Variants in MACROD2 observed in about 807,000 individuals in gnomAD.
The protein encoded by MACROD2 is mono-ADP ribosylhydrolase 2.
In MACROD2, 36 loss-of-function variants were observed where a neutral mutation model predicts 70.4. The ratio of observed to expected loss-of-function variants is 0.51; its 90% CI spans 0.39 to 0.68. MACROD2 has a LOEUF of 0.68. Among genes scored for constraint, MACROD2 ranks in the 30% least tolerant of loss-of-function variants. The pLI is 0.00. For missense variants in MACROD2, 496 were observed against 538.4 expected, an observed-to-expected ratio of 0.92 and a Z score of 0.78; for synonymous variants, 172 against 178.8, an observed-to-expected ratio of 0.96 and a Z score of 0.30.
At chr20:15,709,868 C>T (rs771986441) in intron 8 of MACROD2, among the ~76,000 whole-genome samples, 15 of 151,952 alleles carry the variant, frequency 9.9e-5, no homozygotes, top group Non-Finnish European at 2.1e-4. Context: ...TACTATAGAA[C>T]ACTAGAACTT....
At chr20:15,201,280 G>A (rs1466485641) in intron 5 of MACROD2, among the ~76,000 whole-genome samples, 2 of 151,954 alleles carry the variant, frequency 1.3e-5, no homozygotes, top group Non-Finnish European at 2.9e-5. Flanking sequence ...AATGATGAGT[G>A]CCCCCCTCCC....
chr20:15,487,812 G>A lies in MACROD2; in HGVS notation c.572-11962G>A, dbSNP rs8119807. ...GTTTACAAACTCAGGCCTTCAGGGG[G>A]CTTGACTATCACTGAAGAGCAAAAG... On this transcript the variant is annotated intron_variant, in intron 7 of 17. Transcript: ENST00000684519. Among the ~76,000 whole-genome samples the A allele has an allele frequency of 5.7e-3, 865 of 152,284 alleles. 7 individuals carry two copies. The highest frequency in any genetic ancestry group is 0.02 in the African/African-American group (827 of 41,578).
intron 5 of MACROD2, among the ~76,000 whole-genome samples, chr20:14,826,523 C>A (rs914056529): frequency 6.6e-6 from 1 of 152,130 alleles, no homozygotes. Flanking sequence ...CCAAATTACT[C>A]CAGACCCTAA....
chr20:14,160,358 T>C (rs571303571), intron 3 of MACROD2, among the ~76,000 whole-genome samples: 18 of 152,304 alleles, frequency 1.2e-4, no homozygotes, highest in South Asian at 6.2e-4. Context: ...TCCCGGACTT[T>C]TCTTTGTTGG....
chr20:14,745,809 G>C (rs977261164), intron 5 of MACROD2, among the ~76,000 whole-genome samples: 1 of 152,116 alleles, frequency 6.6e-6, no homozygotes, highest in African/African-American at 2.4e-5. Context: ...GGACCCTTCA[G>C]TCAGGTGGTT....
intron 4 of MACROD2, among the ~76,000 whole-genome samples, chr20:14,508,294 T>C (rs1451198220): frequency 1.3e-5 from 2 of 152,218 alleles, no homozygotes; most frequent in Non-Finnish European, 2.9e-5. Context: ...TTTTTTTCTC[T>C]TTTCCTCTTC....
chr20:15,880,564 G>A (rs561183369), intron 9 of MACROD2, among the ~76,000 whole-genome samples: 4 of 151,878 alleles, frequency 2.6e-5, no homozygotes, highest in African/African-American at 9.7e-5. Context: ...TGGACAACTG[G>A]GGCTCAATCC....
At chr20:14,520,779 T>C (rs938793704) in intron 4 of MACROD2, among the ~76,000 whole-genome samples, 10 of 152,204 alleles carry the variant, frequency 6.6e-5, no homozygotes, top group African/African-American at 2.4e-4. Context: ...CCTGTAATGA[T>C]AGGCTTTTAC....
At chr20:14,922,439 A>C (rs1010364678) in intron 5 of MACROD2, among the ~76,000 whole-genome samples, 1 of 152,130 alleles carries the variant, frequency 6.6e-6, no homozygotes, top group African/African-American at 2.4e-5. Context: ...ATATTCTAGA[A>C]CTCAGAAAGT....
chr20:15,565,712 C>A (rs13036326), intron 8 of MACROD2, among the ~76,000 whole-genome samples: 26,509 of 152,078 alleles, frequency 0.17, 2,575 homozygotes, highest in Middle Eastern at 0.29. Flanking sequence ...AATTCCTGGG[C>A]TCAAGCAATC....
rs923526283 is a variant in MACROD2, at chr20:14,829,536, C to G, written c.418+144577C>G. ...TTTTTCACCTGAGCCAGCTGAAGTT[C>G]TAGCGGCAGTTGTCTAATGATGATT... On this transcript the variant is annotated intron_variant, in intron 5 of 17. Transcript: ENST00000684519. 3.9e-5 allele frequency among the ~76,000 whole-genome samples: 6 copies of G among 151,990 alleles called. No homozygotes were observed. In the East Asian group the frequency reaches 1.2e-3, roughly 29 times the overall value.
chr20:15,934,121 T>C (rs1038725736), intron 11 of MACROD2, among the ~76,000 whole-genome samples: 1 of 152,224 alleles, frequency 6.6e-6, no homozygotes, highest in Non-Finnish European at 1.5e-5. Context: ...TAAAAATCCC[T>C]GTTCCCTTTA....
chr20:15,750,156 A>G (rs1409483858), intron 8 of MACROD2, among the ~76,000 whole-genome samples: 1 of 152,080 alleles, frequency 6.6e-6, no homozygotes, highest in Admixed American at 6.6e-5. Flanking sequence ...CAAGAGCAAA[A>G]CAACAAATAG....
chr20:15,108,985 C>T (rs1308723529), intron 5 of MACROD2, among the ~76,000 whole-genome samples: 4 of 152,154 alleles, frequency 2.6e-5, no homozygotes, highest in Non-Finnish European at 5.9e-5. Context: ...TTACATAGAT[C>T]AAGGATCAGC....
intron 3 of MACROD2, among the ~76,000 whole-genome samples, chr20:14,347,358 G>A (rs1427285457): frequency 6.6e-6 from 1 of 152,104 alleles, no homozygotes; most frequent in African/African-American, 2.4e-5. Context: ...GGAATTTGCT[G>A]AATTATAGAG....
At chr20:14,978,921 A>G (rs949557107) in intron 5 of MACROD2, among the ~76,000 whole-genome samples, 6 of 136,236 alleles carry the variant, frequency 4.4e-5, no homozygotes, top group African/African-American at 1.8e-4. Flanking sequence ...TATAATATAT[A>G]TCATAATATA....
intron 8 of MACROD2, among the ~76,000 whole-genome samples, chr20:15,663,565 G>A (rs959436544): frequency 4.0e-5 from 6 of 151,560 alleles, no homozygotes; most frequent in Non-Finnish European, 5.9e-5. Context: ...TGAAAATATT[G>A]GCCACTATTT....
chr20:15,297,789 G>T (rs6043183), intron 6 of MACROD2, among the ~76,000 whole-genome samples: 69,293 of 152,054 alleles, frequency 0.46, 16,860 homozygotes, highest in African/African-American at 0.64. Context: ...CCATTGACAG[G>T]TCCTGGTGAC....
chr20:14,478,913 C>G (rs776233253), intron 3 of MACROD2, among the ~76,000 whole-genome samples: 226 of 151,892 alleles, frequency 1.5e-3, no homozygotes, highest in Middle Eastern at 3.4e-3. Context: ...CCTGAGGGGA[C>G]AGAACACATT....
Sources: gnomAD v4.1 joint callset for allele counts (sites outside exome capture counted in the v4.1 genomes callset) on GRCh38, gnomAD v4.1.1 for gene constraint, MANE v1.5 for transcripts, NCBI Gene and HGNC (gene_info 2026-07-23, HGNC 2026-07-21) for gene names.